Variants in LNX1 observed in about 807,000 individuals in gnomAD.
The protein encoded by LNX1 is ligand of numb-protein X 1.
Under a neutral mutation model 68.4 loss-of-function variants are expected in LNX1, and 54 were observed. The observed-to-expected ratio is 0.79, with a 90% CI of 0.63 to 0.99. The LOEUF (loss-of-function observed/expected upper bound fraction) is 0.99, where lower values mean the gene tolerates loss of function less well. LNX1 is among the 50% of genes least tolerant of loss of function. The pLI, the probability that LNX1 is intolerant of heterozygous loss-of-function variation, is 0.00. For missense variants in LNX1, 906 were observed against 926.4 expected, an observed-to-expected ratio of 0.98 and a Z score of 0.29; for synonymous variants, 336 against 350.0, an observed-to-expected ratio of 0.96 and a Z score of 0.45.
intron 2 of LNX1, among the ~76,000 whole-genome samples, chr4:53,605,404 A>T (rs1023188839): frequency 6.6e-6 from 1 of 152,122 alleles, no homozygotes; most frequent in Non-Finnish European, 1.5e-5. Context: ...ATCATCTTAC[A>T]TGGTAACTAC....
intron 1 of LNX1, chr4:53,576,414 G>C: frequency 6.6e-7 from 1 of 1,506,804 alleles, no homozygotes. Flanking sequence ...TCCTATTCAG[G>C]TCAGGCTTGG....
intron 2 of LNX1, among the ~76,000 whole-genome samples, chr4:53,539,666 TG>T (rs1382461638): frequency 1.3e-5 from 2 of 152,278 alleles, no homozygotes; most frequent in African/African-American, 4.8e-5. Flanking sequence ...AAAATGTTTT[TG>T]TTCTAACTTG....
intron 6 of LNX1, among the ~76,000 whole-genome samples, chr4:53,486,234 G>A (rs573601337): frequency 9.9e-4 from 151 of 152,148 alleles, no homozygotes; most frequent in African/African-American, 3.1e-3. Flanking sequence ...GTGGTCCTCC[G>A]CTCCTGGCAG....
At chr4:53,640,885 A>G (rs1227771212) in intron 1 of LNX1, among the ~76,000 whole-genome samples, 1 of 152,198 alleles carries the variant, frequency 6.6e-6, no homozygotes, top group Non-Finnish European at 1.5e-5. Context: ...CACATGAGCT[A>G]CTTTTATTTG....
At chr4:53,604,879 T>A (rs1733164647) in intron 2 of LNX1, among the ~76,000 whole-genome samples, 1 of 152,240 alleles carries the variant, frequency 6.6e-6, no homozygotes, top group Non-Finnish European at 1.5e-5. Flanking sequence ...AACATGAAGC[T>A]GTATATGTAT....
At chr4:53,471,070 GC>G (rs1723133579) in intron 9 of LNX1, among the ~76,000 whole-genome samples, 1 of 42,864 alleles carries the variant, frequency 2.3e-5, no homozygotes. Flanking sequence ...TGGAGGCATC[GC>G]ACTACCTGAC....
chr4:53,570,838 T>G (rs186433748), intron 2 of LNX1, among the ~76,000 whole-genome samples: 1 of 151,488 alleles, frequency 6.6e-6, no homozygotes, highest in Non-Finnish European at 1.5e-5. Context: ...CCATCCTGGC[T>G]AACACAGTGA....
Position 53,628,312 on chromosome 4 carries a change from C to T in LNX1, c.-215+23856G>A, listed in dbSNP as rs143933941. 5.5e-4 allele frequency among the ~76,000 whole-genome samples: 83 copies of T among 152,144 alleles called. No individual in the cohort carries two copies. The East Asian group carries it at 0.015, about 27-fold the overall frequency. The stretch of plus-strand genomic sequence containing the variant: ...ACATATTAGCAATACAAAACAATCC[C>T]ATCAAAAAGTAGGCAAATGGCATGA... On this transcript the variant is annotated intron_variant, in intron 1 of 2. Coordinates refer to the LNX1 transcript ENST00000507168.
chr4:53,556,832 A>G (rs1729946578), intron 2 of LNX1, among the ~76,000 whole-genome samples: 1 of 152,204 alleles, frequency 6.6e-6, no homozygotes, highest in African/African-American at 2.4e-5. Flanking sequence ...CTACCACTAC[A>G]TAGTCATGGG....
chr4:53,606,314 C>T (rs1418750585), intron 2 of LNX1, among the ~76,000 whole-genome samples: 1 of 151,990 alleles, frequency 6.6e-6, no homozygotes, highest in Admixed American at 6.6e-5. Flanking sequence ...CCTCTATGCA[C>T]ACAAGCTAGG....
At chr4:53,590,290 G>A (rs903121926) in intron 1 of LNX1, among the ~76,000 whole-genome samples, 5 of 152,064 alleles carry the variant, frequency 3.3e-5, no homozygotes, top group African/African-American at 1.2e-4. Flanking sequence ...GTATTTCTGG[G>A]TGGATGAACA....
chr4:53,478,232 G>A (rs1161411122), intron 8 of LNX1, among the ~76,000 whole-genome samples: 1 of 151,136 alleles, frequency 6.6e-6, no homozygotes, highest in Non-Finnish European at 1.5e-5. Context: ...TTCCACCACC[G>A]GATCAACCCA....
intron 6 of LNX1, among the ~76,000 whole-genome samples, chr4:53,487,838 T>C (rs1724412330): frequency 6.6e-6 from 1 of 152,260 alleles, no homozygotes. Flanking sequence ...TCTGCATTCC[T>C]CATTGGTTTC....
chr4:53,599,125 T>C (rs1732883009), intron 2 of LNX1, among the ~76,000 whole-genome samples: 1 of 152,170 alleles, frequency 6.6e-6, no homozygotes, highest in African/African-American at 2.4e-5. Context: ...ACCAGGGCAA[T>C]TCATCTTGAA....
chr4:53,506,525 C>A (rs978189611), intron 4 of LNX1, among the ~76,000 whole-genome samples: 5 of 152,034 alleles, frequency 3.3e-5, no homozygotes, highest in African/African-American at 7.2e-5. Flanking sequence ...ACCTAAGTAA[C>A]CTCTCTGTGC....
intron 6 of LNX1, among the ~76,000 whole-genome samples, chr4:53,491,124 G>C (rs1429538014): frequency 6.6e-6 from 1 of 152,118 alleles, no homozygotes; most frequent in Non-Finnish European, 1.5e-5. Flanking sequence ...GACATGATGA[G>C]TAAGAGTTTT....
Position 53,481,863 on chromosome 4 carries a change from G to A in LNX1, c.1351-9C>T, listed in dbSNP as rs1723939232. ...ACACGTCTTTCACTGGCCTGGGCAAGAAGACACAGGCATTAGCCACTGTCA... is the reference window on the plus strand; with the variant it reads ...ACACGTCTTTCACTGGCCTGGGCAAAAAGACACAGGCATTAGCCACTGTCA... On this transcript the variant is annotated splice_polypyrimidine_tract_variant and intron_variant, in intron 6 of 10. Transcript: ENST00000263925. The A allele has an allele frequency of 2.5e-6, 4 of 1,578,216 alleles. No homozygotes were observed. Among genetic ancestry groups the A allele is most frequent in the East Asian group, 2.3e-5 (1 of 42,888 alleles).
At chr4:53,575,886 C>T (rs955957021) in intron 1 of LNX1, 9 of 1,580,790 alleles carry the variant, frequency 5.7e-6, no homozygotes, top group Non-Finnish European at 6.9e-6. Context: ...TGGTCAGCAG[C>T]CTGCAAGGGG....
chr4:53,460,658 A>G lies in LNX1; in HGVS notation c.*249T>C. On this transcript the variant is annotated 3_prime_UTR_variant, in exon 11 of 11. Coordinates refer to ENST00000263925, the MANE Select transcript of LNX1 (RefSeq NM_001126328.3). Reference sequence around the variant, plus strand: ...TAGTTGTTTTAGGGCTTTTTATTGAATAGAAAAAATATAAACAATGTTGTA... The same window carrying G: ...TAGTTGTTTTAGGGCTTTTTATTGAGTAGAAAAAATATAAACAATGTTGTA... 2.6e-6 allele frequency: 1 copy of G among 380,716 alleles called. No individual in the cohort carries two copies. The highest frequency in any genetic ancestry group is 4.6e-6 in the Non-Finnish European group (1 of 216,532). 23.6% of individuals were successfully genotyped at this position (380,716 alleles called of 1,614,324 possible). A position where few individuals can be genotyped will look rare whatever the true frequency, so the allele number is the denominator to read the frequency against.
Sources: gnomAD v4.1 joint callset for allele counts (sites outside exome capture counted in the v4.1 genomes callset) on GRCh38, gnomAD v4.1.1 for gene constraint, MANE v1.5 for transcripts, NCBI Gene and HGNC (gene_info 2026-07-23, HGNC 2026-07-21) for gene names.